The following COP1 variants were observed in gnomAD, a reference collection of about 807,000 sequenced individuals.
COP1 encodes COP1 E3 ubiquitin ligase.
COP1 carries 24 observed loss-of-function variants against 101.3 expected under a neutral mutation model. The ratio of observed to expected loss-of-function variants is 0.24; its 90% CI spans 0.17 to 0.33. The LOEUF (loss-of-function observed/expected upper bound fraction) is 0.33. Among genes scored for constraint, COP1 ranks in the 10% least tolerant of loss-of-function variants. COP1 has a pLI of 1.00. For missense variants in COP1, 663 were observed against 906.2 expected (o/e 0.73, Z 3.45); for synonymous variants, 347 against 341.9 (o/e 1.01, Z -0.17).
chr1:176,161,244 T>G (rs536241825), intron 5 of COP1, among the ~76,000 whole-genome samples: 1 of 152,188 alleles, frequency 6.6e-6, no homozygotes, highest in Non-Finnish European at 1.5e-5. Context: ...ACTGTCATTT[T>G]CATCATTTCA....
chr1:176,140,894 A>G (rs780210680), intron 6 of COP1, among the ~76,000 whole-genome samples: 5 of 152,184 alleles, frequency 3.3e-5, no homozygotes, highest in Non-Finnish European at 7.3e-5. Context: ...ATCAATAGCA[A>G]GCACTCTCTT....
chr1:176,184,082 A>C (rs1294581111), intron 2 of COP1, among the ~76,000 whole-genome samples: 1 of 152,156 alleles, frequency 6.6e-6, no homozygotes, highest in African/African-American at 2.4e-5. Flanking sequence ...AATTCCTCCA[A>C]GACTAAAGAA....
chr1:176,123,456 A>AT (rs1201161128), intron 8 of COP1, among the ~76,000 whole-genome samples: 7 of 152,134 alleles, frequency 4.6e-5, no homozygotes, highest in Non-Finnish European at 7.4e-5. Context: ...ATCTATAATA[A>AT]TTAAAGGGGA....
chr1:176,173,986 C>CAAAAAAA (rs1212803591), intron 3 of COP1, among the ~76,000 whole-genome samples: 12,074 of 48,796 alleles, frequency 0.25, 2,989 homozygotes, highest in Non-Finnish European at 0.29. Flanking sequence ...GATGCTGTCT[C>CAAAAAAA]AAAAAAAAAA....
At chr1:176,041,159 A>G (rs1251078026) in intron 14 of COP1, among the ~76,000 whole-genome samples, 1 of 152,188 alleles carries the variant, frequency 6.6e-6, no homozygotes, top group African/African-American at 2.4e-5. Flanking sequence ...AGATTTCTAA[A>G]TATTTCCAGG....
intron 15 of COP1, among the ~76,000 whole-genome samples, chr1:176,025,619 T>C (rs1013809414): frequency 7.9e-5 from 12 of 151,938 alleles, no homozygotes; most frequent in Middle Eastern, 3.4e-3. Flanking sequence ...ACCCAAACAA[T>C]AGCCAGGGCG....
intron 15 of COP1, among the ~76,000 whole-genome samples, chr1:176,022,748 A>T (rs974418533): frequency 1.3e-5 from 2 of 152,150 alleles, no homozygotes; most frequent in Non-Finnish European, 2.9e-5. Context: ...GACCGAGGAA[A>T]ATTAGCTCAT....
At chr1:176,193,391 A>G (rs961250793) in intron 1 of COP1, among the ~76,000 whole-genome samples, 3 of 152,194 alleles carry the variant, frequency 2.0e-5, no homozygotes, top group Admixed American at 1.3e-4. Flanking sequence ...CACAATTACC[A>G]TATCACCTAG....
chr1:175,947,060 A>T, intron 19 of COP1, 135 bp downstream of exon 19: 1 of 685,020 alleles, frequency 1.5e-6, no homozygotes, highest in Non-Finnish European at 2.6e-6. Context: ...CCCTTAAATC[A>T]AGCCATTTGT....
chr1:175,995,746 C>T (rs1213564039), intron 15 of COP1, among the ~76,000 whole-genome samples: 1 of 152,098 alleles, frequency 6.6e-6, no homozygotes, highest in Non-Finnish European at 1.5e-5. Flanking sequence ...GAAATTGTGG[C>T]AAGAATCAAT....
At chr1:176,002,353 T>C (rs1415703207) in intron 15 of COP1, among the ~76,000 whole-genome samples, 1 of 151,976 alleles carries the variant, frequency 6.6e-6, no homozygotes, top group Non-Finnish European at 1.5e-5. Context: ...AGTTTTTATT[T>C]ATTTATTTAT....
chr1:175,963,334 T>C (rs939816252), intron 18 of COP1, among the ~76,000 whole-genome samples: 1 of 152,072 alleles, frequency 6.6e-6, no homozygotes, highest in African/African-American at 2.4e-5. Flanking sequence ...TACTCCACCA[T>C]CCTACTTAGA....
intron 18 of COP1, among the ~76,000 whole-genome samples, chr1:175,953,290 C>CAA (rs35502262): frequency 9.6e-4 from 145 of 150,524 alleles, no homozygotes; most frequent in African/African-American, 3.3e-3. Context: ...TAAAAATACT[C>CAA]AAAAAAAAGA....
chr1:176,041,651 C>A (rs77462811), intron 14 of COP1, among the ~76,000 whole-genome samples: 16,367 of 152,172 alleles, frequency 0.11, 966 homozygotes, highest in Middle Eastern at 0.16. Flanking sequence ...CCACGCCCGG[C>A]CCCTGCTTGG....
intron 2 of COP1, among the ~76,000 whole-genome samples, chr1:176,178,607 T>C (rs1393750642): frequency 1.3e-5 from 2 of 152,092 alleles, no homozygotes; most frequent in Admixed American, 1.3e-4. Flanking sequence ...ATTCCAGCAC[T>C]ATGGGAGGCC....
At chr1:176,129,530 T>G (rs1179734989) in intron 8 of COP1, among the ~76,000 whole-genome samples, 1 of 151,836 alleles carries the variant, frequency 6.6e-6, no homozygotes, top group African/African-American at 2.4e-5. Flanking sequence ...ATCAAAAAAT[T>G]TTATTTAGTA....
At chr1:176,177,104 TC>T (rs1697061924) in intron 2 of COP1, among the ~76,000 whole-genome samples, 1 of 152,180 alleles carries the variant, frequency 6.6e-6, no homozygotes, top group Non-Finnish European at 1.5e-5. Flanking sequence ...TTTGTAAACA[TC>T]AATCCAATGC....
intron 15 of COP1, among the ~76,000 whole-genome samples, chr1:175,998,772 G>A (rs1223403918): frequency 1.3e-5 from 2 of 151,914 alleles, no homozygotes; most frequent in African/African-American, 2.4e-5. Context: ...ACACATTTTT[G>A]GTGTATTCAA....
At chr1:176,105,417 T>A (rs1361836778) in intron 9 of COP1, among the ~76,000 whole-genome samples, 1 of 152,174 alleles carries the variant, frequency 6.6e-6, no homozygotes, top group Non-Finnish European at 1.5e-5. Context: ...CAGTATATAT[T>A]CTCAGGCTAA....
Sources: allele counts gnomAD v4.1 joint callset (sites outside exome capture counted in the v4.1 genomes callset), GRCh38; gene constraint gnomAD v4.1.1; transcripts MANE v1.5; gene names NCBI Gene and HGNC (gene_info 2026-07-23, HGNC 2026-07-21).